Variants in SH3D19 observed in about 807,000 individuals in gnomAD.
The protein encoded by SH3D19 is SH3 domain containing 19.
In SH3D19, 58 loss-of-function variants were observed where a neutral mutation model predicts 112.1. The observed-to-expected ratio is 0.52, with a 90% CI of 0.42 to 0.64. SH3D19 has a LOEUF of 0.64. SH3D19 is among the 30% of genes least tolerant of loss of function. The probability of loss-of-function intolerance (pLI) is 0.00; values close to 1 mark genes in which losing one functional copy is unlikely to be tolerated. For synonymous variants in SH3D19, 391 were observed against 448.5 expected, an observed-to-expected ratio of 0.87 and a Z score of 1.62; for missense variants, 1,090 against 1,263.4, an observed-to-expected ratio of 0.86 and a Z score of 2.08.
At chr4:151,234,232 A>C (rs554515288) in intron 1 of SH3D19, among the ~76,000 whole-genome samples, 7 of 152,350 alleles carry the variant, frequency 4.6e-5, no homozygotes, top group African/African-American at 1.7e-4. Context: ...CAGGCTGCTA[A>C]TTCTTTTTAA....
At chr4:151,307,197 T>A (rs1275791099) in intron 1 of SH3D19, among the ~76,000 whole-genome samples, 2 of 151,042 alleles carry the variant, frequency 1.3e-5, no homozygotes, top group South Asian at 2.1e-4. Context: ...TTTTTTTTTT[T>A]ATTTTTAGTA....
At chr4:151,216,877 C>CTGTGTGTGTGTGTG (rs34575245) in intron 2 of SH3D19, among the ~76,000 whole-genome samples, 147 of 140,870 alleles carry the variant, frequency 1.0e-3, no homozygotes, top group African/African-American at 2.1e-3. Flanking sequence ...CAAAACAACA[C>CTGTGTGTGTGTGTG]TGTGTGTGTG....
chr4:151,234,733 GTGTTTT>G (rs1769883390), intron 1 of SH3D19, among the ~76,000 whole-genome samples: 1 of 30,032 alleles, frequency 3.3e-5, no homozygotes, highest in African/African-American at 8.0e-5. Context: ...TTCCAAGTTT[GTGTTTT>G]TTTTTTTTTT....
At chr4:151,190,734 G>A (rs1369369627) in intron 2 of SH3D19, among the ~76,000 whole-genome samples, 1 of 152,218 alleles carries the variant, frequency 6.6e-6, no homozygotes, top group Non-Finnish European at 1.5e-5. Context: ...TTGCTGCAGG[G>A]GTGGGGCTCT....
intron 15 of SH3D19, among the ~76,000 whole-genome samples, chr4:151,133,848 C>T (rs1307735800): frequency 3.3e-5 from 5 of 152,078 alleles, no homozygotes; most frequent in African/African-American, 1.2e-4. Flanking sequence ...TCATTTCTGA[C>T]ATTTGGAACA....
chr4:151,145,101 T>C (rs1253242752), intron 11 of SH3D19, among the ~76,000 whole-genome samples: 2 of 152,208 alleles, frequency 1.3e-5, no homozygotes, highest in African/African-American at 4.8e-5. Flanking sequence ...GGGCTTCCAA[T>C]GTACCCAGAT....
At chr4:151,237,274 T>A (rs776630547) in intron 1 of SH3D19, among the ~76,000 whole-genome samples, 1 of 152,244 alleles carries the variant, frequency 6.6e-6, no homozygotes, top group Non-Finnish European at 1.5e-5. Context: ...ATTTCGGACA[T>A]AAGGTCACAA....
In SH3D19 at chr4:151,236,131, C is replaced by T. The variant is rs548156610; in HGVS notation, c.113-10045G>A. Reference sequence around the variant, plus strand: ...ACTCTTGGTGCCTCCTCGGCCTCGGCGTCCGCTCTGGCCGCGCTGGAGGAG... The same window carrying T: ...ACTCTTGGTGCCTCCTCGGCCTCGGTGTCCGCTCTGGCCGCGCTGGAGGAG... On this transcript the variant is annotated intron_variant, in intron 1 of 19. Transcript: ENST00000604030. 3.9e-5 allele frequency among the ~76,000 whole-genome samples: 6 copies of T among 152,400 alleles called. No individual in the cohort carries two copies. The East Asian group carries it at 1.2e-3, about 29-fold the overall frequency.
chr4:151,308,911 C>T (rs953724042), intron 1 of SH3D19, among the ~76,000 whole-genome samples: 5 of 152,240 alleles, frequency 3.3e-5, no homozygotes, highest in East Asian at 1.9e-4. Flanking sequence ...TGTCACCCAC[C>T]GGGACTAGAG....
Position 151,184,108 on chromosome 4 carries a change from C to T in SH3D19, c.193+3315G>A, listed in dbSNP as rs937208737. Among the ~76,000 whole-genome samples, 5 of 152,026 alleles carry T rather than the reference C, an allele frequency of 3.3e-5. No homozygotes were observed. The East Asian group carries it at 9.6e-4, about 29-fold the overall frequency. ...ATTCTAGATGTATCCAATTAGGATA[C>T]ATCAAAACACTTTACCAAAAATACT... is the stretch of plus-strand genomic sequence containing the variant. On this transcript the variant is annotated intron_variant, in intron 3 of 19. Coordinates refer to ENST00000604030, the MANE Select transcript of SH3D19 (RefSeq NM_001378122.1).
At chr4:151,275,534 T>C (rs1773528588) in intron 1 of SH3D19, among the ~76,000 whole-genome samples, 2 of 152,120 alleles carry the variant, frequency 1.3e-5, no homozygotes, top group South Asian at 4.1e-4. Flanking sequence ...GGTCTTCCAT[T>C]ATTATTTGAG....
At chr4:151,259,160 C>T (rs1198256019) in intron 1 of SH3D19, among the ~76,000 whole-genome samples, 2 of 152,028 alleles carry the variant, frequency 1.3e-5, no homozygotes, top group African/African-American at 4.8e-5. Flanking sequence ...CTCTGTCTTC[C>T]CCATTTCATT....
At chr4:151,300,328 T>C (rs543668812) in intron 1 of SH3D19, among the ~76,000 whole-genome samples, 21 of 152,130 alleles carry the variant, frequency 1.4e-4, no homozygotes, top group Non-Finnish European at 1.3e-4. Context: ...CTTTGCACAA[T>C]TTTTTTTAAA....
At position 151,174,822 on chromosome 4, in the gene SH3D19, G is replaced by A; in HGVS notation, c.1382C>T (p.Ser461Leu). 6.4e-7 allele frequency: 1 copy of A among 1,572,746 alleles called. No homozygotes were observed. The highest frequency in any genetic ancestry group is 8.6e-7 in the Non-Finnish European group (1 of 1,161,436). Residue 461 changes from serine (S) to leucine (L), a missense_variant, in exon 7 of 20, where the codon TCA becomes TTA. Physicochemically the swap from Ser to Leu is moderately radical, Grantham distance 145. Coordinates refer to ENST00000604030, the MANE Select transcript of SH3D19 (RefSeq NM_001378122.1). ...GTTGGCTGGGGGCCCTTCTCCCAGTGACTTGTATGCTTTGGCTTGTGATGC... is the reference window on the plus strand; with the variant it reads ...GTTGGCTGGGGGCCCTTCTCCCAGTAACTTGTATGCTTTGGCTTGTGATGC... The part of the protein sequence containing the change: ...AGASQAKAYK[S>L]LGEGPPANPP...
rs1449652591 is a variant in SH3D19 at position 151,135,003 on chromosome 4, T to G, written c.2486+71A>C. On this transcript the variant is annotated intron_variant, in intron 15 of 19. Coordinates refer to ENST00000604030, the MANE Select transcript of SH3D19 (RefSeq NM_001378122.1). ...TGCCTGGCCTTGGAGTGTTTTAAGCTTGATAATTCTTCATGATATAGATGG... is the reference window on the plus strand; with the variant it reads ...TGCCTGGCCTTGGAGTGTTTTAAGCGTGATAATTCTTCATGATATAGATGG... 3.0e-6 allele frequency: 4 copies of G among 1,326,912 alleles called. No individual in the cohort carries two copies. In the East Asian group the frequency reaches 9.5e-5, roughly 32 times the overall value. 82.2% of individuals were successfully genotyped at this position (1,326,912 alleles called of 1,614,324 possible). A position where few individuals can be genotyped will look rare whatever the true frequency, so the allele number is the denominator to read the frequency against.
At chr4:151,317,689 G>A (rs898950736) in intron 1 of SH3D19, among the ~76,000 whole-genome samples, 1 of 152,286 alleles carries the variant, frequency 6.6e-6, no homozygotes, top group Middle Eastern at 3.4e-3. Flanking sequence ...AAAGCTGAAC[G>A]TTGGCTGGGC....
intron 1 of SH3D19, among the ~76,000 whole-genome samples, chr4:151,255,497 C>T (rs1029434739): frequency 1.3e-5 from 2 of 151,706 alleles, no homozygotes; most frequent in African/African-American, 4.8e-5. Flanking sequence ...CTTCTCACTT[C>T]CTAGGTGAGA....
At chr4:151,298,192 T>C (rs1412948976) in intron 1 of SH3D19, among the ~76,000 whole-genome samples, 1 of 143,572 alleles carries the variant, frequency 7.0e-6, no homozygotes, top group Non-Finnish European at 1.5e-5. Context: ...TTTTTTTTTT[T>C]TTTTTTTTTT....
chr4:151,157,828 A>C (rs1756405789), intron 9 of SH3D19, among the ~76,000 whole-genome samples: 1 of 151,416 alleles, frequency 6.6e-6, no homozygotes, highest in African/African-American at 2.4e-5. Context: ...AAGTGAAATA[A>C]GCCAGGAACA....
Sources: allele counts gnomAD v4.1 joint callset (sites outside exome capture counted in the v4.1 genomes callset), GRCh38; gene constraint gnomAD v4.1.1; transcripts MANE v1.5; gene names NCBI Gene and HGNC (gene_info 2026-07-23, HGNC 2026-07-21).